SEMA6D: variants seen among roughly 807,000 people sequenced by gnomAD.
SEMA6D encodes semaphorin 6D.
In SEMA6D, 35 loss-of-function variants were observed where a neutral mutation model predicts 106.6. The ratio of observed to expected loss-of-function variants is 0.33; its 90% CI spans 0.25 to 0.44. The LOEUF is 0.44. Among genes scored for constraint, SEMA6D ranks in the 20% least tolerant of loss-of-function variants. The pLI is 1.00. For synonymous variants in SEMA6D, 499 were observed against 487.7 expected (o/e 1.02, Z -0.31); for missense variants, 1,185 against 1,345.9 (o/e 0.88, Z 1.87).
intron 2 of SEMA6D, among the ~76,000 whole-genome samples, chr15:47,415,639 T>C (rs997776883): frequency 1.3e-5 from 2 of 152,140 alleles, no homozygotes. Flanking sequence ...CTTTAAGTGT[T>C]TGATCTGTAA....
chr15:47,324,752 G>GTA (rs542441561), intron 1 of SEMA6D, among the ~76,000 whole-genome samples: 192 of 151,168 alleles, frequency 1.3e-3, no homozygotes, highest in African/African-American at 4.6e-3. Context: ...ACATACGTGT[G>GTA]TATATATATA....
At chr15:47,449,692 C>G (rs1031379236) in intron 2 of SEMA6D, among the ~76,000 whole-genome samples, 2 of 152,150 alleles carry the variant, frequency 1.3e-5, no homozygotes, top group East Asian at 1.9e-4. Context: ...TTCTCCATGC[C>G]TTACTGACAG....
chr15:47,392,319 T>C (rs773522818), intron 1 of SEMA6D, among the ~76,000 whole-genome samples: 4 of 152,160 alleles, frequency 2.6e-5, no homozygotes, highest in Non-Finnish European at 4.4e-5. Context: ...ATAAATCTGT[T>C]ACTGTATATG....
intron 1 of SEMA6D, among the ~76,000 whole-genome samples, chr15:47,749,057 A>C (rs1168803572): frequency 6.7e-6 from 1 of 149,348 alleles, no homozygotes; most frequent in Non-Finnish European, 1.5e-5. Context: ...TAACAATAAT[A>C]ATAGTTGTAA....
At chr15:47,579,980 T>A (rs960398993) in intron 3 of SEMA6D, among the ~76,000 whole-genome samples, 1 of 152,188 alleles carries the variant, frequency 6.6e-6, no homozygotes, top group African/African-American at 2.4e-5. Flanking sequence ...CCTGAGCTCT[T>A]TGGGGACTTT....
chr15:47,566,280 A>T (rs1328817616), intron 3 of SEMA6D, among the ~76,000 whole-genome samples: 1 of 152,190 alleles, frequency 6.6e-6, no homozygotes, highest in East Asian at 1.9e-4. Flanking sequence ...TGACAGATTC[A>T]TGCTAGGCCC....
At chr15:47,227,446 C>CTTTCTTTCTTTCTTTCTTTCTTTTCTTTT (rs2031783439) in intron 1 of SEMA6D, among the ~76,000 whole-genome samples, 1 of 62,406 alleles carries the variant, frequency 1.6e-5, no homozygotes, top group Admixed American at 1.5e-4. Flanking sequence ...TCTTTTCTTT[C>CTTTCTTTCTTTCTTTCTTTCTTTTCTTTT]TTTTCTTTCT....
intron 1 of SEMA6D, among the ~76,000 whole-genome samples, chr15:47,300,803 C>T (rs1595679680): frequency 6.6e-6 from 1 of 152,202 alleles, no homozygotes; most frequent in Non-Finnish European, 1.5e-5. Context: ...AAAGGCTAGG[C>T]TTAGGCCAAC....
intron 4 of SEMA6D, among the ~76,000 whole-genome samples, chr15:47,609,436 GAAA>G (rs1315256968): frequency 6.6e-6 from 1 of 152,090 alleles, no homozygotes; most frequent in Non-Finnish European, 1.5e-5. Flanking sequence ...TTTAAAAACA[GAAA>G]ACAGAAGACT....
chr15:47,759,433 C>T (rs1278267545), intron 1 of SEMA6D, among the ~76,000 whole-genome samples: 2 of 152,164 alleles, frequency 1.3e-5, no homozygotes, highest in African/African-American at 4.8e-5. Flanking sequence ...CTTTGCCCAT[C>T]TTCTTGCCAA....
chr15:47,737,823 G>A (rs919983009), intron 1 of SEMA6D, among the ~76,000 whole-genome samples: 4 of 152,104 alleles, frequency 2.6e-5, no homozygotes, highest in African/African-American at 9.7e-5. Flanking sequence ...CTAAGTGTGT[G>A]TTGTGTATGT....
chr15:47,682,777 A>T (rs1381049481), intron 4 of SEMA6D, among the ~76,000 whole-genome samples: 1 of 152,202 alleles, frequency 6.6e-6, no homozygotes, highest in Admixed American at 6.5e-5. Flanking sequence ...CTGACTACTC[A>T]TTTTTTTGAA....
At chr15:47,315,995 T>G (rs549105809) in intron 1 of SEMA6D, among the ~76,000 whole-genome samples, 3 of 152,120 alleles carry the variant, frequency 2.0e-5, no homozygotes, top group Non-Finnish European at 2.9e-5. Flanking sequence ...GAGGGTTTTT[T>G]TTTGTGTGTG....
intron 3 of SEMA6D, among the ~76,000 whole-genome samples, chr15:47,544,295 A>C (rs2045447767): frequency 6.6e-6 from 1 of 152,126 alleles, no homozygotes; most frequent in Admixed American, 6.6e-5. Flanking sequence ...CTGAATTTTG[A>C]TGACAACATC....
At chr15:47,710,579 TACAC>T (rs1426292420) in intron 4 of SEMA6D, among the ~76,000 whole-genome samples, 5 of 151,960 alleles carry the variant, frequency 3.3e-5, no homozygotes, top group East Asian at 1.9e-4. Context: ...GGAGGAAAAA[TACAC>T]ACGCACACAC....
chr15:47,645,145 T>C (rs2077558333), intron 4 of SEMA6D, among the ~76,000 whole-genome samples: 1 of 152,192 alleles, frequency 6.6e-6, no homozygotes, highest in African/African-American at 2.4e-5. Context: ...GTTTCGTTGC[T>C]GGCAACCTTG....
At chr15:47,360,836 A>C (rs2038778114) in intron 1 of SEMA6D, among the ~76,000 whole-genome samples, 1 of 152,256 alleles carries the variant, frequency 6.6e-6, no homozygotes, top group South Asian at 2.1e-4. Context: ...ATTATCAAAC[A>C]CTAAATCACA....
At chr15:47,370,553 A>C (rs2039231811) in intron 1 of SEMA6D, among the ~76,000 whole-genome samples, 1 of 151,188 alleles carries the variant, frequency 6.6e-6, no homozygotes, top group Non-Finnish European at 1.5e-5. Context: ...GATATAAAGA[A>C]GATATTATGG....
At position 47,664,928 on chromosome 15, in the gene SEMA6D, A is replaced by G. The variant is rs867650944; in HGVS notation, c.-55+64032A>G. On this transcript the variant is annotated intron_variant, in intron 4 of 19. Coordinates refer to the SEMA6D transcript ENST00000558014. ...AATAACCTCAGCAAGCATGGCTGCT[A>G]CAAACCTCCCACTGCAATTTTTGTG... Among the ~76,000 whole-genome samples the G allele has an allele frequency of 2.0e-5, 3 of 152,238 alleles. No individual in the cohort carries two copies. In the South Asian group the frequency reaches 6.2e-4, roughly 32 times the overall value.
Sources: allele counts gnomAD v4.1 joint callset (sites outside exome capture counted in the v4.1 genomes callset), GRCh38; gene constraint gnomAD v4.1.1; transcripts MANE v1.5; gene names NCBI Gene and HGNC (gene_info 2026-07-23, HGNC 2026-07-21).